LMX1B: variants seen among roughly 807,000 people sequenced by gnomAD.
LMX1B encodes LIM homeobox transcription factor 1-beta.
LMX1B carries 12 observed loss-of-function variants against 51.4 expected under a neutral mutation model. That is an observed-to-expected ratio of 0.23 (90% CI 0.15 to 0.38). The LOEUF is 0.38. Among genes scored for constraint, LMX1B ranks in the 10% least tolerant of loss-of-function variants. The pLI, the probability that LMX1B is intolerant of heterozygous loss-of-function variation, is 1.00. For synonymous variants in LMX1B, 237 were observed against 235.4 expected (o/e 1.01, Z -0.06); for missense variants, 445 against 571.1 (o/e 0.78, Z 2.25).
rs569881177 is a variant in LMX1B at position 126,614,834 on chromosome 9, G to A, written c.139+246G>A. 3.9e-5 allele frequency among the ~76,000 whole-genome samples: 6 copies of A among 152,284 alleles called. No homozygotes were observed. The East Asian group carries it at 1.2e-3, about 30-fold the overall frequency. On this transcript the variant is annotated intron_variant, in intron 1 of 7. Transcript: ENST00000373474. ...CTTTCCAGGCTTAGGTTCTAGAGCT[G>A]CCACTCCGATGTGGTAGGTGGCGGG...
intron 4 of LMX1B, 76 bp from the exon 5 acceptor site, chr9:126,693,448 C>T (rs1376435239): frequency 2.6e-6 from 4 of 1,560,556 alleles, no homozygotes; most frequent in Non-Finnish European, 3.5e-6. Flanking sequence ...CCGCACATCC[C>T]ATCATACCCC....
chr9:126,676,435 C>A (rs1414231717), intron 2 of LMX1B, among the ~76,000 whole-genome samples: 2 of 152,198 alleles, frequency 1.3e-5, no homozygotes, highest in Non-Finnish European at 1.5e-5. Context: ...AGCACCGCAT[C>A]AGTATTTGGG....
intron 2 of LMX1B, among the ~76,000 whole-genome samples, chr9:126,647,900 C>T (rs936382458): frequency 1.1e-4 from 16 of 152,246 alleles, no homozygotes; most frequent in Admixed American, 5.2e-4. Context: ...ACAGACCTCT[C>T]TCCCCAGAGA....
At chr9:126,690,792 G>A (rs1281166692) in intron 2 of LMX1B, 44 bp from the exon 3 acceptor site, 1 of 1,534,522 alleles carries the variant, frequency 6.5e-7, no homozygotes. Context: ...CCTCTGGGAG[G>A]GACTTCTGAG....
rs1460186167 is a variant in LMX1B, at chr9:126,677,146, G to T, written c.327-13690G>T. Among the ~76,000 whole-genome samples, 3 of 152,142 alleles carry T rather than the reference G, an allele frequency of 2.0e-5. No homozygotes were observed. Among genetic ancestry groups the T allele is most frequent in the Non-Finnish European group, 2.9e-5 (2 of 68,018 alleles). On this transcript the variant is annotated intron_variant, in intron 2 of 7. Transcript: ENST00000373474. The surrounding 1 kb of genome is among the most constrained non-coding windows in gnomAD (Gnocchi z 5.0). ...GACCTGCCTCGCCTGCCCTTTGCCC[G>T]TCCCCAGCCAGAGCGCAGGAGACCC... is the stretch of plus-strand genomic sequence containing the variant.
In LMX1B at chr9:126,673,267, T is replaced by G. The variant is rs2118949995; in HGVS notation, c.327-17569T>G. Reference sequence around the variant, plus strand: ...GAGCCCCTACCTAGGGAAAGGGCATTGAGGGGACCTGTCAGAGTGAATGGG... The same window carrying G: ...GAGCCCCTACCTAGGGAAAGGGCATGGAGGGGACCTGTCAGAGTGAATGGG... On this transcript the variant is annotated intron_variant, in intron 2 of 7. Coordinates refer to ENST00000373474, the MANE Select transcript of LMX1B (RefSeq NM_001174147.2). This position sits in a 1 kb window ranked among gnomAD's most constrained non-coding sequence, Gnocchi z 4.4. Among the ~76,000 whole-genome samples the G allele has an allele frequency of 6.6e-6, 1 of 152,106 alleles. No homozygotes were observed. The highest frequency in any genetic ancestry group is 1.9e-4 in the East Asian group (1 of 5,136).
intron 2 of LMX1B, among the ~76,000 whole-genome samples, chr9:126,682,374 C>G (rs1055462955): frequency 1.3e-5 from 2 of 152,108 alleles, no homozygotes; most frequent in Non-Finnish European, 2.9e-5. Context: ...CATCTCTCTT[C>G]CCTGTCTTCA....
chr9:126,679,977 C>G (rs571713470), intron 2 of LMX1B, among the ~76,000 whole-genome samples: 1 of 152,354 alleles, frequency 6.6e-6, no homozygotes, highest in South Asian at 2.1e-4. Context: ...TTCAGACTGC[C>G]GTGGAGCCCC....
At position 126,625,676 on chromosome 9, in the gene LMX1B, C is replaced by T. The variant is rs1835511709; in HGVS notation, c.326+10107C>T. 6.6e-6 allele frequency among the ~76,000 whole-genome samples: 1 copy of T among 152,224 alleles called. No homozygotes were observed. Among genetic ancestry groups the T allele is most frequent in the African/African-American group, 2.4e-5 (1 of 41,462 alleles). Reference sequence around the variant, plus strand: ...ACCCCCACGGAAACCCTCTTCTCCGCCAGGCCCGTGGCGCCTTTCTCGCCA... The same window carrying T: ...ACCCCCACGGAAACCCTCTTCTCCGTCAGGCCCGTGGCGCCTTTCTCGCCA... On this transcript the variant is annotated intron_variant, in intron 2 of 7. Transcript: ENST00000373474. The surrounding 1 kb of genome is among the most constrained non-coding windows in gnomAD (Gnocchi z 5.3).
intron 2 of LMX1B, among the ~76,000 whole-genome samples, chr9:126,667,322 G>A (rs1281638508): frequency 3.9e-5 from 6 of 152,324 alleles, no homozygotes; most frequent in African/African-American, 1.2e-4. Context: ...TTGCAGCCAC[G>A]ACGTAACAGT....
At chr9:126,679,292 T>C (rs1487063431) in intron 2 of LMX1B, among the ~76,000 whole-genome samples, 1 of 152,020 alleles carries the variant, frequency 6.6e-6, no homozygotes, top group Non-Finnish European at 1.5e-5. Context: ...GATGGAGGCA[T>C]GGATGTTTGT....
intron 2 of LMX1B, among the ~76,000 whole-genome samples, chr9:126,652,386 C>G (rs545763045): frequency 1.6e-4 from 25 of 152,276 alleles, no homozygotes; most frequent in African/African-American, 5.3e-4. Flanking sequence ...TCCTTATCAG[C>G]TGGGGGTTTG....
rs992701604 is a variant in LMX1B at position 126,625,381 on chromosome 9, C to T, written c.326+9812C>T. On this transcript the variant is annotated intron_variant, in intron 2 of 7. Coordinates refer to ENST00000373474, the MANE Select transcript of LMX1B (RefSeq NM_001174147.2). This position sits in a 1 kb window ranked among gnomAD's most constrained non-coding sequence, Gnocchi z 5.3. ...GGGGAGGGTTAGTGGGATGTGTTTG[C>T]CTCCTCTGACCGAGAGCACGGGTCC... is the stretch of plus-strand genomic sequence containing the variant. 6.6e-6 allele frequency among the ~76,000 whole-genome samples: 1 copy of T among 152,192 alleles called. No homozygotes were observed. Among genetic ancestry groups the T allele is most frequent in the South Asian group, 2.1e-4 (1 of 4,832 alleles).
intron 2 of LMX1B, among the ~76,000 whole-genome samples, chr9:126,647,682 G>A (rs1835927746): frequency 6.6e-6 from 1 of 152,226 alleles, no homozygotes; most frequent in Admixed American, 6.5e-5. Context: ...CACGCAGGGA[G>A]GACCCTTGGA....
intron 2 of LMX1B, among the ~76,000 whole-genome samples, chr9:126,617,220 C>G (rs1454567075): frequency 6.6e-6 from 1 of 152,018 alleles, no homozygotes; most frequent in Non-Finnish European, 1.5e-5. Context: ...GCACCAGCCT[C>G]TAGCCCCCTC....
rs1166896144 is a variant in LMX1B at position 126,673,150 on chromosome 9, G to C, written c.327-17686G>C. Among the ~76,000 whole-genome samples the C allele has an allele frequency of 2.6e-5, 4 of 152,198 alleles. No homozygotes were observed. The highest frequency in any genetic ancestry group is 4.4e-5 in the Non-Finnish European group (3 of 68,024). On this transcript the variant is annotated intron_variant, in intron 2 of 7. Transcript: ENST00000373474. The surrounding 1 kb of genome is among the most constrained non-coding windows in gnomAD (Gnocchi z 4.4). ...CTCATTCTCCTTGCCTTCCAGGGTCGAGAGGAGATGAGAACTCCAGAAGCT... is the reference window on the plus strand; with the variant it reads ...CTCATTCTCCTTGCCTTCCAGGGTCCAGAGGAGATGAGAACTCCAGAAGCT...
At chr9:126,624,981 C>T (rs561611376) in intron 2 of LMX1B, among the ~76,000 whole-genome samples, 1 of 152,292 alleles carries the variant, frequency 6.6e-6, no homozygotes, top group South Asian at 2.1e-4. Context: ...GATTATGTCA[C>T]GAACACAAGT....
At chr9:126,652,299 G>GGT (rs932828308) in intron 2 of LMX1B, among the ~76,000 whole-genome samples, 2 of 150,612 alleles carry the variant, frequency 1.3e-5, no homozygotes, top group East Asian at 2.0e-4. Flanking sequence ...GAGGAGAAGG[G>GGT]GGGGGGGATT....
At chr9:126,640,624 T>C (rs1340244904) in intron 2 of LMX1B, 1 of 152,404 alleles carries the variant, frequency 6.6e-6, no homozygotes, top group East Asian at 1.9e-4. Flanking sequence ...CCTCTCCTTC[T>C]TGTCCTGGCC....
Sources: allele counts gnomAD v4.1 joint callset (sites outside exome capture counted in the v4.1 genomes callset), GRCh38; gene constraint gnomAD v4.1.1; non-coding constraint Gnocchi (gnomAD v3.1); transcripts MANE v1.5; gene names NCBI Gene and HGNC (gene_info 2026-07-23, HGNC 2026-07-21).